The following ANKH variants were observed in gnomAD, a reference collection of about 807,000 sequenced individuals.
ANKH encodes the protein mineralization regulator ANKH.
A neutral mutation model predicts 49.0 loss-of-function variants in ANKH; 15 were observed. The observed-to-expected ratio is 0.31, with a 90% CI of 0.20 to 0.47. The LOEUF is 0.47. Ranked by LOEUF, ANKH falls within the 20% of genes least tolerant of loss-of-function variation. The probability of loss-of-function intolerance (pLI) is 1.00; values close to 1 mark genes in which losing one functional copy is unlikely to be tolerated. For synonymous variants in ANKH, 273 were observed against 260.0 expected (o/e 1.05, Z -0.48); for missense variants, 429 against 652.0 (o/e 0.66, Z 3.72).
chr5:14,809,731 A>G (rs1740822418), intron 1 of ANKH, among the ~76,000 whole-genome samples: 1 of 152,146 alleles, frequency 6.6e-6, no homozygotes, highest in Non-Finnish European at 1.5e-5. Flanking sequence ...CATTTCCCAG[A>G]CCTTTCAGGC....
chr5:14,746,531 A>T (rs696295), intron 6 of ANKH, among the ~76,000 whole-genome samples: 52,454 of 151,970 alleles, frequency 0.35, 11,096 homozygotes, highest in African/African-American at 0.6. Flanking sequence ...TAAGCACTGA[A>T]CTTTGGAGCA....
At position 14,871,503 on chromosome 5, in the gene ANKH, G is replaced by C. The variant is rs1735824812; in HGVS notation, c.-56C>G. ...TCTGCTGCCGCGAGGGGACTCTGCG[G>C]GGAGGCGAGGGGCGACGGGGCGACG... On this transcript the variant is annotated 5_prime_UTR_variant, in exon 1 of 12. Coordinates refer to ENST00000284268, the MANE Select transcript of ANKH (RefSeq NM_054027.6). 14 of 1,440,928 alleles carry C rather than the reference G, an allele frequency of 9.7e-6. No homozygotes were observed. In the South Asian group the frequency reaches 1.3e-4, roughly 13 times the overall value. 89.3% of individuals were successfully genotyped at this position (1,440,928 alleles called of 1,614,324 possible). A position where few individuals can be genotyped will look rare whatever the true frequency, so the allele number is the denominator to read the frequency against.
At chr5:14,849,864 G>A (rs948262438) in intron 1 of ANKH, among the ~76,000 whole-genome samples, 6 of 152,078 alleles carry the variant, frequency 3.9e-5, no homozygotes, top group African/African-American at 1.4e-4. Context: ...CTTCCATGTG[G>A]ACTTTCAGGG....
chr5:14,780,838 C>T (rs1739783966), intron 1 of ANKH, among the ~76,000 whole-genome samples: 2 of 152,192 alleles, frequency 1.3e-5, no homozygotes, highest in South Asian at 4.1e-4. Context: ...ACAACTCCTC[C>T]GTCTACAGCT....
At chr5:14,807,465 G>T (rs1220314055) in intron 1 of ANKH, among the ~76,000 whole-genome samples, 1 of 152,144 alleles carries the variant, frequency 6.6e-6, no homozygotes, top group African/African-American at 2.4e-5. Flanking sequence ...GAGTTTGTAA[G>T]GGCTTAAGAA....
chr5:14,751,524 A>G (rs1366676417), intron 4 of ANKH, among the ~76,000 whole-genome samples: 2 of 152,226 alleles, frequency 1.3e-5, no homozygotes, highest in African/African-American at 2.4e-5. Context: ...TAAGGTTATT[A>G]CTTTAAAAAA....
chr5:14,823,977 T>G (rs1741268438), intron 1 of ANKH, among the ~76,000 whole-genome samples: 1 of 152,106 alleles, frequency 6.6e-6, no homozygotes, highest in African/African-American at 2.4e-5. Context: ...GTGGTTCTGC[T>G]GCCCAGATAA....
chr5:14,807,313 C>A (rs1339796227), intron 1 of ANKH, among the ~76,000 whole-genome samples: 1 of 152,054 alleles, frequency 6.6e-6, no homozygotes. Context: ...GGGGGTTTCA[C>A]CACGTTGGCC....
chr5:14,820,623 C>T (rs1741172145), intron 1 of ANKH, among the ~76,000 whole-genome samples: 1 of 152,116 alleles, frequency 6.6e-6, no homozygotes, highest in African/African-American at 2.4e-5. Flanking sequence ...GGAACTTGAT[C>T]AATATTAAGG....
intron 1 of ANKH, among the ~76,000 whole-genome samples, chr5:14,816,660 C>T (rs775191820): frequency 5.3e-5 from 8 of 152,128 alleles, no homozygotes; most frequent in Non-Finnish European, 1.2e-4. Flanking sequence ...GGGTTTCAGT[C>T]GACTTTCTTG....
chr5:14,792,469 T>C (rs1740200493), intron 1 of ANKH, among the ~76,000 whole-genome samples: 1 of 152,064 alleles, frequency 6.6e-6, no homozygotes, highest in Non-Finnish European at 1.5e-5. Flanking sequence ...CTAAGATCTG[T>C]TTCTTGTCTG....
At position 14,818,379 on chromosome 5, in the gene ANKH, C is replaced by A. The variant is rs960567121; in HGVS notation, c.97-49188G>T. ...AAGCGGCTGGGCACAGTGGCTCACG[C>A]CTGTAATCCCAACACTTTGGGGGGC... On this transcript the variant is annotated intron_variant, in intron 1 of 11. Coordinates refer to ENST00000284268, the MANE Select transcript of ANKH (RefSeq NM_054027.6). Among the ~76,000 whole-genome samples, 3 of 151,958 alleles carry A rather than the reference C, an allele frequency of 2.0e-5. No individual in the cohort carries two copies. In the East Asian group the frequency reaches 5.8e-4, roughly 29 times the overall value.
intron 1 of ANKH, among the ~76,000 whole-genome samples, chr5:14,863,223 AT>A (rs969414409): frequency 3.3e-5 from 5 of 152,142 alleles, no homozygotes; most frequent in South Asian, 4.2e-4. Flanking sequence ...CTATAAAAAA[AT>A]TTTTTTTAAA....
At position 14,725,647 on chromosome 5, in the gene ANKH, G is replaced by T. The variant is rs771707193; in HGVS notation, c.1012-8812C>A. On this transcript the variant is annotated intron_variant, in intron 8 of 11. Transcript: ENST00000284268. This position sits in a 1 kb window ranked among gnomAD's most constrained non-coding sequence, Gnocchi z 4.0. The stretch of plus-strand genomic sequence containing the variant: ...ACCGTATTCTAACAAAACGCTAGCA[G>T]GGGAGTCCTCTGGAGGTGGTGAGAT... 6.6e-6 allele frequency among the ~76,000 whole-genome samples: 1 copy of T among 152,266 alleles called. No homozygotes were observed. The highest frequency in any genetic ancestry group is 1.5e-5 in the Non-Finnish European group (1 of 68,044).
At chr5:14,766,514 T>C (rs1739262806) in intron 2 of ANKH, among the ~76,000 whole-genome samples, 1 of 152,116 alleles carries the variant, frequency 6.6e-6, no homozygotes, top group South Asian at 2.1e-4. Context: ...AAAGAAAGAA[T>C]CTCTTCCTGC....
At chr5:14,740,768 C>T (rs1260425734) in intron 8 of ANKH, among the ~76,000 whole-genome samples, 3 of 152,220 alleles carry the variant, frequency 2.0e-5, no homozygotes, top group African/African-American at 7.2e-5. Flanking sequence ...TCAAGCTCCA[C>T]GGTTCTTGTG....
intron 1 of ANKH, among the ~76,000 whole-genome samples, chr5:14,786,537 A>T (rs2126537380): frequency 6.6e-6 from 1 of 152,334 alleles, no homozygotes; most frequent in African/African-American, 2.4e-5. Context: ...AACTACAGAG[A>T]AGCCGGCTCC....
intron 1 of ANKH, among the ~76,000 whole-genome samples, chr5:14,829,737 G>A (rs1255014932): frequency 1.3e-5 from 2 of 152,096 alleles, no homozygotes; most frequent in East Asian, 1.9e-4. Flanking sequence ...CATTTCCTGC[G>A]TTTTATTTAG....
At chr5:14,749,736 G>T (rs1738653288) in intron 5 of ANKH, among the ~76,000 whole-genome samples, 1 of 152,232 alleles carries the variant, frequency 6.6e-6, no homozygotes, top group Admixed American at 6.5e-5. Flanking sequence ...GAATCAGTCA[G>T]CTCACAAAAA....
Sources: allele counts gnomAD v4.1 joint callset (sites outside exome capture counted in the v4.1 genomes callset), GRCh38; gene constraint gnomAD v4.1.1; non-coding constraint Gnocchi (gnomAD v3.1); transcripts MANE v1.5; gene names NCBI Gene and HGNC (gene_info 2026-07-23, HGNC 2026-07-21).